Variants in TAPT1 observed in about 807,000 individuals in gnomAD.
The protein encoded by TAPT1 is transmembrane anterior posterior transformation 1, also known as transmembrane anterior posterior transformation protein 1 homolog.
A neutral mutation model predicts 65.6 loss-of-function variants in TAPT1; 28 were observed. That is an observed-to-expected ratio of 0.43 (90% CI 0.32 to 0.59). TAPT1 has a LOEUF of 0.59. Ranked by LOEUF, TAPT1 falls within the 20% of genes least tolerant of loss-of-function variation. The probability of loss-of-function intolerance (pLI) is 0.09; values close to 1 mark genes in which losing one functional copy is unlikely to be tolerated. For synonymous variants in TAPT1, 278 were observed against 245.2 expected (o/e 1.13, Z -1.25); for missense variants, 563 against 679.9 (o/e 0.83, Z 1.91).
chr4:16,186,478 G>C (rs926138824), intron 7 of TAPT1, 57 bp downstream of exon 7: 26 of 1,192,076 alleles, frequency 2.2e-5, no homozygotes, highest in Middle Eastern at 1.9e-4. Flanking sequence ...TAGGATTTCA[G>C]AATGAACTGC....
At chr4:16,217,671 TAATA>T (rs753058117) in intron 1 of TAPT1, among the ~76,000 whole-genome samples, 6 of 152,374 alleles carry the variant, frequency 3.9e-5, no homozygotes, top group Non-Finnish European at 7.3e-5. Context: ...TGGAATTGCT[TAATA>T]AATAACAACG....
At chr4:16,221,105 C>T (rs773206316) in intron 1 of TAPT1, among the ~76,000 whole-genome samples, 6 of 143,746 alleles carry the variant, frequency 4.2e-5, no homozygotes, top group Non-Finnish European at 9.0e-5. Context: ...CCAGCACATA[C>T]GTACATATAT....
At chr4:16,226,583 C>T, upstream of TAPT1, 1 of 639,152 alleles carries the variant, frequency 1.6e-6, no homozygotes, top group Non-Finnish European at 2.0e-6. Context: ...CCATCCGCGG[C>T]CCGCCGACCG....
At chr4:16,192,154 T>C (rs1384438995) in intron 3 of TAPT1, among the ~76,000 whole-genome samples, 1 of 152,354 alleles carries the variant, frequency 6.6e-6, no homozygotes, top group African/African-American at 2.4e-5. Flanking sequence ...TCCAAGGTTA[T>C]ATTCACTTGA....
chr4:16,214,839 C>G (rs1160640197), intron 1 of TAPT1, among the ~76,000 whole-genome samples: 3 of 152,166 alleles, frequency 2.0e-5, no homozygotes, highest in African/African-American at 7.2e-5. Context: ...TCTGAGCTGG[C>G]CTTGTGGTCC....
intron 7 of TAPT1, among the ~76,000 whole-genome samples, chr4:16,181,094 G>A (rs2149682256): frequency 6.6e-6 from 1 of 152,284 alleles, no homozygotes; most frequent in Non-Finnish European, 1.5e-5. Context: ...AGAAAAGTCT[G>A]CCCTAGAATA....
intron 3 of TAPT1, among the ~76,000 whole-genome samples, chr4:16,194,647 G>A (rs188879940): frequency 6.8e-4 from 103 of 151,612 alleles, no homozygotes; most frequent in African/African-American, 2.1e-3. Flanking sequence ...AAAAATGAAC[G>A]CAAAAAAAAA....
At chr4:16,192,925 T>C (rs1749457356) in intron 3 of TAPT1, among the ~76,000 whole-genome samples, 1 of 152,236 alleles carries the variant, frequency 6.6e-6, no homozygotes, top group African/African-American at 2.4e-5. Context: ...TCCAGAGCTC[T>C]TTCCTAATGC....
chr4:16,168,961 A>C (rs917597694), intron 12 of TAPT1, among the ~76,000 whole-genome samples: 1 of 152,194 alleles, frequency 6.6e-6, no homozygotes, highest in African/African-American at 2.4e-5. Flanking sequence ...AAAGTTCAGC[A>C]TTGTATGTCA....
At chr4:16,187,202 G>T (rs1232067144) in intron 5 of TAPT1, among the ~76,000 whole-genome samples, 1 of 152,110 alleles carries the variant, frequency 6.6e-6, no homozygotes. Context: ...CCTCAAAAAA[G>T]TTTGTTAAGT....
At chr4:16,192,631 C>T (rs937312119) in intron 3 of TAPT1, among the ~76,000 whole-genome samples, 13 of 152,156 alleles carry the variant, frequency 8.5e-5, no homozygotes, top group African/African-American at 3.1e-4. Context: ...ATTTCTTCCA[C>T]TGGATTTAAA....
chr4:16,179,548 A>G (rs1328862667), intron 8 of TAPT1, 29 bp downstream of exon 8: 3 of 1,352,576 alleles, frequency 2.2e-6, no homozygotes, highest in Non-Finnish European at 2.0e-6. Flanking sequence ...GTAAAATTAT[A>G]AGACACTGTT....
At chr4:16,195,723 A>G (rs1270670917) in intron 3 of TAPT1, among the ~76,000 whole-genome samples, 2 of 152,238 alleles carry the variant, frequency 1.3e-5, no homozygotes, top group African/African-American at 2.4e-5. Context: ...AGTTGTTTCA[A>G]AGGGCTCATA....
chr4:16,195,936 G>C (rs1013768297), intron 3 of TAPT1, among the ~76,000 whole-genome samples: 4 of 152,194 alleles, frequency 2.6e-5, no homozygotes, highest in African/African-American at 4.8e-5. Context: ...AATCAGTGTT[G>C]AAACATGCCA....
At chr4:16,191,864 C>T (rs369768909) in intron 3 of TAPT1, among the ~76,000 whole-genome samples, 6 of 152,204 alleles carry the variant, frequency 3.9e-5, no homozygotes, top group Non-Finnish European at 5.9e-5. Context: ...TGAATCCCTG[C>T]ACATAGCCTG....
chr4:16,195,899 T>C (rs1578451626), intron 3 of TAPT1, among the ~76,000 whole-genome samples: 1 of 152,264 alleles, frequency 6.6e-6, no homozygotes. Flanking sequence ...GCGAGAAAAA[T>C]GGGAGAATCC....
chr4:16,195,855 A>C (rs1372413497), intron 3 of TAPT1, among the ~76,000 whole-genome samples: 3 of 152,236 alleles, frequency 2.0e-5, no homozygotes, highest in Admixed American at 1.3e-4. Context: ...AGTGGACAGA[A>C]AGATCAAGAA....
intron 3 of TAPT1, among the ~76,000 whole-genome samples, chr4:16,195,110 A>T (rs1270481317): frequency 3.9e-5 from 6 of 152,216 alleles, no homozygotes; most frequent in Admixed American, 6.5e-5. Flanking sequence ...CTAAGGTGGC[A>T]TCTTAAAAGA....
At chr4:16,212,521 C>G (rs1430013278) in intron 2 of TAPT1, among the ~76,000 whole-genome samples, 2 of 152,184 alleles carry the variant, frequency 1.3e-5, no homozygotes, top group Non-Finnish European at 2.9e-5. Flanking sequence ...ACAAAATCTT[C>G]GATAAATCTC....
Sources: gnomAD v4.1 joint callset for allele counts (sites outside exome capture counted in the v4.1 genomes callset) on GRCh38, gnomAD v4.1.1 for gene constraint, MANE v1.5 for transcripts, NCBI Gene and HGNC (gene_info 2026-07-23, HGNC 2026-07-21) for gene names.